Variants in DLC1 observed in about 807,000 individuals in gnomAD.
The protein encoded by DLC1 is rho GTPase-activating protein 7.
In DLC1, 54 loss-of-function variants were observed where a neutral mutation model predicts 140.3. The ratio of observed to expected loss-of-function variants is 0.38; its 90% CI spans 0.31 to 0.48. The LOEUF (loss-of-function observed/expected upper bound fraction) is 0.48, where lower values mean the gene tolerates loss of function less well. Ranked by LOEUF, DLC1 falls within the 20% of genes least tolerant of loss-of-function variation. The pLI is 0.96. For missense variants in DLC1, 2,536 were observed against 1,907.0 expected (o/e 1.33, Z -6.14); for synonymous variants, 986 against 728.1 (o/e 1.35, Z -5.70).
intron 2 of DLC1, among the ~76,000 whole-genome samples, chr8:13,462,285 G>A (rs1467896211): frequency 6.6e-6 from 1 of 151,952 alleles, no homozygotes; most frequent in Non-Finnish European, 1.5e-5. Flanking sequence ...AATAACATAT[G>A]CCATATGACC....
chr8:13,489,807 G>C (rs546184018), intron 2 of DLC1, among the ~76,000 whole-genome samples: 23 of 152,248 alleles, frequency 1.5e-4, no homozygotes, highest in African/African-American at 4.3e-4. Flanking sequence ...GCTTATATAT[G>C]CTGTGAATAT....
intron 1 of DLC1, among the ~76,000 whole-genome samples, chr8:13,581,376 C>A (rs950877399): frequency 6.6e-6 from 1 of 152,160 alleles, no homozygotes; most frequent in African/African-American, 2.4e-5. Context: ...TTGCTGTTCC[C>A]CCAGTCCTGT....
rs200461735 is a variant in DLC1, at chr8:13,591,632, GT to G, written c.-126+12904del. 2.3e-4 allele frequency among the ~76,000 whole-genome samples: 34 copies of G among 150,678 alleles called. 1 individual carries two copies. In the South Asian group the frequency reaches 4.4e-3, roughly 20 times the overall value. The stretch of plus-strand genomic sequence containing the variant: ...ATACAGGGGGATAAATATTAGGAGT[GT>G]TTTTTTTTCTTTAATCTAGGCAAAC... On this transcript the variant is annotated intron_variant, in intron 1 of 1. Coordinates refer to the DLC1 transcript ENST00000631382.
intron 2 of DLC1, among the ~76,000 whole-genome samples, chr8:13,416,019 G>C (rs780091211): frequency 6.6e-6 from 1 of 152,032 alleles, no homozygotes; most frequent in Non-Finnish European, 1.5e-5. Flanking sequence ...TTTGTGAAAA[G>C]GAAAAAAGCC....
intron 5 of DLC1, among the ~76,000 whole-genome samples, chr8:13,178,249 C>T (rs1274027141): frequency 2.6e-5 from 4 of 152,036 alleles, no homozygotes; most frequent in Non-Finnish European, 4.4e-5. Flanking sequence ...CAAAAGGCAA[C>T]CCCCCAAAAA....
chr8:13,289,260 G>T (rs116562757), intron 5 of DLC1, among the ~76,000 whole-genome samples: 1 of 152,012 alleles, frequency 6.6e-6, no homozygotes, highest in Non-Finnish European at 1.5e-5. Flanking sequence ...GGCATGCAGT[G>T]GTGTGATCAT....
At chr8:13,371,757 G>A (rs973053969) in intron 4 of DLC1, among the ~76,000 whole-genome samples, 14 of 152,134 alleles carry the variant, frequency 9.2e-5, no homozygotes, top group African/African-American at 3.4e-4. Flanking sequence ...GTTAGAGTTG[G>A]CTGTGCATTA....
chr8:13,472,067 T>C (rs950115616), intron 2 of DLC1, among the ~76,000 whole-genome samples: 2 of 152,226 alleles, frequency 1.3e-5, no homozygotes. Context: ...ATTTTTAAAG[T>C]CCACACAGAT....
At chr8:13,132,684 C>A (rs1822211512) in intron 5 of DLC1, among the ~76,000 whole-genome samples, 1 of 152,182 alleles carries the variant, frequency 6.6e-6, no homozygotes, top group Non-Finnish European at 1.5e-5. Context: ...GATCCGGAGC[C>A]CGCCTGGTGC....
intron 2 of DLC1, among the ~76,000 whole-genome samples, chr8:13,453,793 A>G (rs1217153340): frequency 6.6e-6 from 1 of 151,720 alleles, no homozygotes; most frequent in Non-Finnish European, 1.5e-5. Context: ...AAATTTCATT[A>G]TAACGATGTC....
At chr8:13,102,963 G>C (rs897281883) in intron 7 of DLC1, 110 bp from the exon 8 acceptor site, 1 of 872,250 alleles carries the variant, frequency 1.1e-6, no homozygotes, top group South Asian at 1.5e-5. Flanking sequence ...TTGAAACTCA[G>C]TAATACCTAA....
intron 2 of DLC1, among the ~76,000 whole-genome samples, chr8:13,414,466 G>C (rs1023848609): frequency 9.9e-5 from 15 of 152,136 alleles, no homozygotes; most frequent in Non-Finnish European, 1.9e-4. Context: ...TGTGTGATCT[G>C]TTCTTCCTAT....
At chr8:13,592,545 T>C (rs1465955309) in intron 1 of DLC1, among the ~76,000 whole-genome samples, 1 of 152,126 alleles carries the variant, frequency 6.6e-6, no homozygotes, top group African/African-American at 2.4e-5. Context: ...AATTCCTTTT[T>C]TAAAAAACTT....
intron 1 of DLC1, among the ~76,000 whole-genome samples, chr8:13,580,367 C>T (rs55843245): frequency 1.4e-4 from 21 of 152,150 alleles, no homozygotes; most frequent in Admixed American, 3.9e-4. Context: ...GTGATCTGCC[C>T]GCGTCGGACT....
intron 5 of DLC1, among the ~76,000 whole-genome samples, chr8:13,288,691 A>G (rs1056873524): frequency 6.6e-6 from 1 of 152,236 alleles, no homozygotes; most frequent in Non-Finnish European, 1.5e-5. Context: ...AGATCCTGAG[A>G]CAACTCAACA....
chr8:13,458,540 C>G (rs1242763381), intron 2 of DLC1, among the ~76,000 whole-genome samples: 1 of 152,070 alleles, frequency 6.6e-6, no homozygotes, highest in Non-Finnish European at 1.5e-5. Context: ...TGAAAAAACT[C>G]CAAAATAATA....
At chr8:13,485,131 G>A (rs1007170435) in intron 2 of DLC1, among the ~76,000 whole-genome samples, 7 of 152,080 alleles carry the variant, frequency 4.6e-5, no homozygotes, top group African/African-American at 7.2e-5. Flanking sequence ...ACATGGCTTC[G>A]TAGCTCCTTT....
chr8:13,100,610 G>A lies in DLC1; in HGVS notation c.1727C>T (p.Pro576Leu). The A allele has an allele frequency of 6.2e-7, 1 of 1,614,088 alleles. No homozygotes were observed. Among genetic ancestry groups the A allele is most frequent in the East Asian group, 2.2e-5 (1 of 44,858 alleles). ...GTCCATCAGCGTGCCTCCGGGGCTG[G>A]GGCCGTCCTTCGGGTGGGAGTCGTC... is the stretch of plus-strand genomic sequence containing the variant. ...SPDDSHPKDG[P>L]SPGGTLMDLS... Residue 576 changes from proline to leucine, a missense_variant, in exon 9 of 18, where the codon CCC becomes CTC. Pro to Leu is a moderately conservative substitution (Grantham distance 98, BLOSUM62 -3). Transcript: ENST00000276297.
At chr8:13,580,662 A>C (rs1805063423) in intron 1 of DLC1, among the ~76,000 whole-genome samples, 2 of 152,230 alleles carry the variant, frequency 1.3e-5, no homozygotes, top group South Asian at 4.1e-4. Flanking sequence ...AAGACCAGAA[A>C]GGATAAATGT....
Sources: gnomAD v4.1 joint callset for allele counts (sites outside exome capture counted in the v4.1 genomes callset) on GRCh38, gnomAD v4.1.1 for gene constraint, MANE v1.5 for transcripts, NCBI Gene and HGNC (gene_info 2026-07-23, HGNC 2026-07-21) for gene names.